CAMKMT: variants seen among roughly 807,000 people sequenced by gnomAD.
CAMKMT encodes the protein calmodulin-lysine N-methyltransferase, also known as CaM KMT.
Under a neutral mutation model 48.0 loss-of-function variants are expected in CAMKMT, and 53 were observed. That is an observed-to-expected ratio of 1.10 (90% CI 0.89 to 1.39). CAMKMT has a LOEUF of 1.39. Ranked by LOEUF, CAMKMT falls within the 40% of genes most tolerant of loss-of-function variation. The probability of loss-of-function intolerance (pLI) is 0.00; values close to 1 mark genes in which losing one functional copy is unlikely to be tolerated. For synonymous variants in CAMKMT, 165 were observed against 152.3 expected, an observed-to-expected ratio of 1.08 and a Z score of -0.61; for missense variants, 428 against 402.7, an observed-to-expected ratio of 1.06 and a Z score of -0.54.
At chr2:44,680,117 C>G (rs1675935085) in intron 3 of CAMKMT, among the ~76,000 whole-genome samples, 1 of 152,184 alleles carries the variant, frequency 6.6e-6, no homozygotes, top group Non-Finnish European at 1.5e-5. Context: ...TACTGTGACA[C>G]TGGCTGGATG....
chr2:44,406,687 CCT>C (rs1297107998), intron 3 of CAMKMT, among the ~76,000 whole-genome samples: 1 of 152,214 alleles, frequency 6.6e-6, no homozygotes, highest in African/African-American at 2.4e-5. Context: ...TCCGCAACTT[CCT>C]GGACCCAGGT....
chr2:44,583,949 C>T (rs1669710234), intron 3 of CAMKMT, among the ~76,000 whole-genome samples: 1 of 152,136 alleles, frequency 6.6e-6, no homozygotes, highest in Admixed American at 6.5e-5. Flanking sequence ...TATGTATAAG[C>T]ATATACATAT....
At chr2:44,666,208 G>A (rs1483530477) in intron 3 of CAMKMT, among the ~76,000 whole-genome samples, 5 of 152,280 alleles carry the variant, frequency 3.3e-5, no homozygotes, top group African/African-American at 4.8e-5. Flanking sequence ...AAAATTGTTC[G>A]ACCTGAATAG....
intron 3 of CAMKMT, among the ~76,000 whole-genome samples, chr2:44,628,132 G>C (rs1672600875): frequency 6.6e-6 from 1 of 151,998 alleles, no homozygotes; most frequent in Admixed American, 6.6e-5. Context: ...TTTTTTTGTA[G>C]AGATGGCATC....
chr2:44,705,735 A>T (rs1170841619), intron 4 of CAMKMT, among the ~76,000 whole-genome samples: 1 of 152,118 alleles, frequency 6.6e-6, no homozygotes, highest in Non-Finnish European at 1.5e-5. Flanking sequence ...CTCTTTGTGT[A>T]ATTGTTCTTT....
chr2:44,373,336 G>A (rs187909611), intron 2 of CAMKMT, among the ~76,000 whole-genome samples: 1 of 152,072 alleles, frequency 6.6e-6, no homozygotes, highest in Non-Finnish European at 1.5e-5. Context: ...AAGACTAAAG[G>A]AGAAAATTCA....
chr2:44,390,609 C>G (rs956571259), intron 3 of CAMKMT, among the ~76,000 whole-genome samples: 2 of 151,524 alleles, frequency 1.3e-5, no homozygotes, highest in African/African-American at 4.9e-5. Context: ...AAGTACTGTC[C>G]CTTTTATTTT....
intron 3 of CAMKMT, among the ~76,000 whole-genome samples, chr2:44,508,101 C>T (rs890182417): frequency 2.6e-5 from 4 of 152,118 alleles, no homozygotes; most frequent in Non-Finnish European, 5.9e-5. Flanking sequence ...ATGTAATGAC[C>T]TTGTCTTGAA....
chr2:44,390,404 A>T (rs191575416), intron 3 of CAMKMT, 99 bp downstream of exon 3: 17 of 811,800 alleles, frequency 2.1e-5, no homozygotes, highest in Non-Finnish European at 3.1e-5. Flanking sequence ...ATACTCACTA[A>T]ATGTATGCAT....
intron 6 of CAMKMT, among the ~76,000 whole-genome samples, chr2:44,712,853 A>G (rs1677956290): frequency 6.6e-6 from 1 of 152,156 alleles, no homozygotes; most frequent in African/African-American, 2.4e-5. Flanking sequence ...ATTATTGGAC[A>G]ACACAGTGCC....
intron 3 of CAMKMT, among the ~76,000 whole-genome samples, chr2:44,637,982 T>G (rs147680529): frequency 6.6e-6 from 1 of 150,548 alleles, no homozygotes; most frequent in African/African-American, 2.4e-5. Flanking sequence ...GGAGAATCGC[T>G]TGAACTCGGG....
chr2:44,710,166 T>C (rs1039527104), intron 6 of CAMKMT, among the ~76,000 whole-genome samples: 1 of 152,062 alleles, frequency 6.6e-6, no homozygotes, highest in Non-Finnish European at 1.5e-5. Flanking sequence ...TTCTATTTGT[T>C]TTAGTATGTG....
intron 9 of CAMKMT, 138 bp downstream of exon 9, chr2:44,754,256 CT>C (rs1680276131): frequency 1.5e-6 from 1 of 661,582 alleles, no homozygotes; most frequent in East Asian, 2.7e-5. Context: ...TCAATTGGGT[CT>C]TCTGATCTAT....
At chr2:44,690,967 C>A (rs1414977551) in intron 3 of CAMKMT, among the ~76,000 whole-genome samples, 1 of 151,692 alleles carries the variant, frequency 6.6e-6, no homozygotes. Flanking sequence ...CAAAGTGAGA[C>A]TCCATCTCAA....
At chr2:44,377,188 G>C (rs1447357264) in intron 2 of CAMKMT, among the ~76,000 whole-genome samples, 1 of 151,928 alleles carries the variant, frequency 6.6e-6, no homozygotes. Context: ...TGTATATTTT[G>C]TAGAGATGGG....
chr2:44,707,808 G>A (rs1319065219), intron 6 of CAMKMT, among the ~76,000 whole-genome samples: 1 of 152,066 alleles, frequency 6.6e-6, no homozygotes, highest in Non-Finnish European at 1.5e-5. Flanking sequence ...GGTATTTATT[G>A]TATTTGGATA....
intron 8 of CAMKMT, among the ~76,000 whole-genome samples, chr2:44,753,340 T>C (rs1368615166): frequency 3.3e-5 from 5 of 149,400 alleles, no homozygotes; most frequent in Non-Finnish European, 3.0e-5. Flanking sequence ...GGTGGGAGGA[T>C]TGCTTGAGCC....
chr2:44,509,428 G>A (rs770625052), intron 3 of CAMKMT, among the ~76,000 whole-genome samples: 17 of 152,020 alleles, frequency 1.1e-4, no homozygotes, highest in Non-Finnish European at 2.4e-4. Context: ...TCCCACCTCA[G>A]CCTTCTAAGT....
Position 44,592,777 on chromosome 2 carries a change from G to T in CAMKMT, c.377-111506G>T, listed in dbSNP as rs147819596. 5.3e-3 allele frequency among the ~76,000 whole-genome samples: 809 copies of T among 151,908 alleles called. 8 individuals are homozygous for T. The highest frequency in any genetic ancestry group is 0.018 in the African/African-American group (766 of 41,424). ...ATAAGGGAGGACTACTGTACTTTGT[G>T]ATCAGAGAACATATTTTGCATGGCT... On this transcript the variant is annotated intron_variant, in intron 3 of 10. Transcript: ENST00000378494.
Sources: gnomAD v4.1 joint callset for allele counts (sites outside exome capture counted in the v4.1 genomes callset) on GRCh38, gnomAD v4.1.1 for gene constraint, MANE v1.5 for transcripts, NCBI Gene and HGNC (gene_info 2026-07-23, HGNC 2026-07-21) for gene names.